The following SLC24A2 variants were observed in gnomAD, a reference collection of about 807,000 sequenced individuals.
The protein encoded by SLC24A2 is solute carrier family 24 member 2, also known as sodium/potassium/calcium exchanger 2.
In SLC24A2, 36 loss-of-function variants were observed where a neutral mutation model predicts 62.0. That is an observed-to-expected ratio of 0.58 (90% CI 0.44 to 0.77). The LOEUF is 0.77. SLC24A2 is among the 30% of genes least tolerant of loss of function. The pLI is 0.00. For missense variants in SLC24A2, 846 were observed against 817.9 expected, an observed-to-expected ratio of 1.03 and a Z score of -0.42; for synonymous variants, 358 against 294.0, an observed-to-expected ratio of 1.22 and a Z score of -2.23.
chr9:20,065,371 C>T, the SLC24A2 span, among the ~76,000 whole-genome samples: 1 of 152,262 alleles, frequency 6.6e-6, no homozygotes, highest in Admixed American at 6.5e-5. Context: ...AGACTTTCCC[C>T]ATAAAAGGCA....
the SLC24A2 span, among the ~76,000 whole-genome samples, chr9:20,235,014 A>G: frequency 6.6e-6 from 1 of 152,198 alleles, no homozygotes; most frequent in African/African-American, 2.4e-5. Context: ...TCACCTGGGT[A>G]TCAGCAGCAG....
chr9:20,282,707 T>C, the SLC24A2 span, among the ~76,000 whole-genome samples: 1 of 152,222 alleles, frequency 6.6e-6, no homozygotes. Flanking sequence ...TAGATATACA[T>C]TGATTTTCTA....
chr9:20,251,020 T>C, the SLC24A2 span, among the ~76,000 whole-genome samples: 1 of 152,210 alleles, frequency 6.6e-6, no homozygotes, highest in African/African-American at 2.4e-5. Flanking sequence ...GGCTCCAGTG[T>C]TCGCTTCCTC....
chr9:20,254,480 G>A, the SLC24A2 span, among the ~76,000 whole-genome samples: 1 of 152,190 alleles, frequency 6.6e-6, no homozygotes, highest in Non-Finnish European at 1.5e-5. Flanking sequence ...GGTGATGCAG[G>A]GGCAGGATAT....
At chr9:19,857,809 C>T in the SLC24A2 span, among the ~76,000 whole-genome samples, 7 of 151,444 alleles carry the variant, frequency 4.6e-5, no homozygotes, top group Admixed American at 6.6e-5. Flanking sequence ...CAGACAGACT[C>T]ATATCATCTG....
At chr9:19,614,748 A>C (rs761489961) in intron 4 of SLC24A2, among the ~76,000 whole-genome samples, 95 of 152,038 alleles carry the variant, frequency 6.2e-4, no homozygotes, top group Admixed American at 9.8e-4. Flanking sequence ...TAGTCTATCC[A>C]CATGGAAAGG....
the SLC24A2 span, among the ~76,000 whole-genome samples, chr9:20,086,379 C>T: frequency 0.017 from 2,660 of 152,244 alleles, 71 homozygotes; most frequent in African/African-American, 0.061. Flanking sequence ...CATTGCATAG[C>T]ACAGGACTCA....
In SLC24A2 at chr9:19,636,214, C is replaced by T. The variant is rs534883147; in HGVS notation, c.931-13915G>A. 5.9e-5 allele frequency among the ~76,000 whole-genome samples: 9 copies of T among 152,236 alleles called. No homozygotes were observed. In the East Asian group the frequency reaches 1.7e-3, roughly 29 times the overall value. ...TTATTGGTAGACAATACTAACCACA[C>T]AGACATTTATAAATACAAATACTAT... On this transcript the variant is annotated intron_variant, in intron 2 of 10. Coordinates refer to ENST00000341998, the MANE Select transcript of SLC24A2 (RefSeq NM_020344.4).
the SLC24A2 span, among the ~76,000 whole-genome samples, chr9:20,279,338 T>C: frequency 0.24 from 35,749 of 151,972 alleles, 5,097 homozygotes; most frequent in African/African-American, 0.41. Flanking sequence ...CAAGACCAGC[T>C]TGTCCAACAT....
chr9:20,001,229 A>G, the SLC24A2 span, among the ~76,000 whole-genome samples: 43 of 152,300 alleles, frequency 2.8e-4, no homozygotes, highest in African/African-American at 9.9e-4. Flanking sequence ...TGGGCTGAGG[A>G]TAGGAGGGAG....
the SLC24A2 span, among the ~76,000 whole-genome samples, chr9:20,162,535 G>A: frequency 1.3e-5 from 2 of 151,918 alleles, no homozygotes; most frequent in African/African-American, 4.8e-5. Context: ...ATTCACAGCC[G>A]AATTCTACCA....
chr9:19,529,623 CCTTT>C (rs1221501613), intron 8 of SLC24A2, among the ~76,000 whole-genome samples: 3 of 152,224 alleles, frequency 2.0e-5, no homozygotes, highest in South Asian at 2.1e-4. Flanking sequence ...TTCCCTGCTC[CCTTT>C]CTTTCTTAGA....
chr9:19,886,729 T>A, the SLC24A2 span, among the ~76,000 whole-genome samples: 1 of 152,184 alleles, frequency 6.6e-6, no homozygotes, highest in African/African-American at 2.4e-5. Flanking sequence ...TATAAATCAT[T>A]CTATTATAAA....
At chr9:19,848,610 A>G in the SLC24A2 span, among the ~76,000 whole-genome samples, 19 of 152,318 alleles carry the variant, frequency 1.2e-4, no homozygotes, top group Non-Finnish European at 2.4e-4. Flanking sequence ...AACATTTTAG[A>G]ATTATAGAAA....
At chr9:19,705,841 C>G (rs1439636253) in intron 2 of SLC24A2, among the ~76,000 whole-genome samples, 3 of 152,110 alleles carry the variant, frequency 2.0e-5, no homozygotes, top group Admixed American at 6.5e-5. Flanking sequence ...CTGAGGAGAG[C>G]TTTACTTCCA....
the SLC24A2 span, among the ~76,000 whole-genome samples, chr9:20,115,737 G>T: frequency 6.6e-6 from 1 of 152,164 alleles, no homozygotes; most frequent in African/African-American, 2.4e-5. Flanking sequence ...AGAATACATT[G>T]AGAGCTCTGC....
intron 2 of SLC24A2, among the ~76,000 whole-genome samples, chr9:19,670,666 C>T: frequency 6.6e-6 from 1 of 152,168 alleles, no homozygotes; most frequent in East Asian, 1.9e-4. Flanking sequence ...TTGATCCTAG[C>T]TCTACCAGCC....
the SLC24A2 span, among the ~76,000 whole-genome samples, chr9:19,852,969 G>A: frequency 2.0e-5 from 3 of 152,034 alleles, no homozygotes; most frequent in African/African-American, 7.2e-5. Flanking sequence ...TTTTCCATTT[G>A]TTTGTGTCCT....
At chr9:19,944,069 A>G in the SLC24A2 span, among the ~76,000 whole-genome samples, 1 of 152,176 alleles carries the variant, frequency 6.6e-6, no homozygotes, top group African/African-American at 2.4e-5. Flanking sequence ...TTGGGTAATC[A>G]TGGACATAAA....
Sources: gnomAD v4.1 joint callset for allele counts (sites outside exome capture counted in the v4.1 genomes callset) on GRCh38, gnomAD v4.1.1 for gene constraint, MANE v1.5 for transcripts, NCBI Gene and HGNC (gene_info 2026-07-23, HGNC 2026-07-21) for gene names.